The following AGTPBP1 variants were observed in gnomAD, a reference collection of about 807,000 sequenced individuals.
AGTPBP1 encodes ATP/GTP binding carboxypeptidase 1.
In AGTPBP1, 70 loss-of-function variants were observed where a neutral mutation model predicts 143.9. That is an observed-to-expected ratio of 0.49 (90% CI 0.40 to 0.59). The LOEUF is 0.59. AGTPBP1 is among the 20% of genes least tolerant of loss of function. AGTPBP1 has a pLI of 0.00. For missense variants in AGTPBP1, 1,229 were observed against 1,464.5 expected, an observed-to-expected ratio of 0.84 and a Z score of 2.62; for synonymous variants, 463 against 500.2, an observed-to-expected ratio of 0.93 and a Z score of 0.99.
At chr9:85,765,047 G>C in the AGTPBP1 span, 1,787 of 582,640 alleles carry the variant, frequency 3.1e-3, 23 homozygotes, top group African/African-American at 0.028. Flanking sequence ...GATTTTGTCA[G>C]ATGTAGTGAG....
At chr9:85,597,705 C>T (rs1030195854) in intron 17 of AGTPBP1, among the ~76,000 whole-genome samples, 8 of 152,110 alleles carry the variant, frequency 5.3e-5, no homozygotes, top group Non-Finnish European at 1.2e-4. Context: ...TTATACTTCA[C>T]AGTTTTAATT....
intron 2 of AGTPBP1, among the ~76,000 whole-genome samples, chr9:85,697,747 C>G (rs1449356858): frequency 6.6e-6 from 1 of 152,116 alleles, no homozygotes; most frequent in Non-Finnish European, 1.5e-5. Context: ...CCACTGCGCC[C>G]AGCCCTTAAT....
At chr9:85,739,708 CAAA>C (rs547952850) in intron 1 of AGTPBP1, among the ~76,000 whole-genome samples, 3 of 82,038 alleles carry the variant, frequency 3.7e-5, no homozygotes, top group Non-Finnish European at 5.0e-5. Flanking sequence ...AACTCCGTCT[CAAA>C]AAAAAAAAAA....
At chr9:85,621,413 C>A in intron 14 of AGTPBP1, 128 bp from the exon 15 acceptor site, 2 of 376,396 alleles carry the variant, frequency 5.3e-6, no homozygotes, top group African/African-American at 2.1e-5. Flanking sequence ...ATTCCTCTAT[C>A]TATATATTTT....
At chr9:85,650,982 A>C (rs967654572) in intron 11 of AGTPBP1, among the ~76,000 whole-genome samples, 1 of 152,106 alleles carries the variant, frequency 6.6e-6, no homozygotes, top group African/African-American at 2.4e-5. Context: ...CATATTTGCT[A>C]ATCTGTTTAC....
the AGTPBP1 span, among the ~76,000 whole-genome samples, chr9:85,753,750 C>T: frequency 1.5e-5 from 2 of 134,266 alleles, no homozygotes; most frequent in Non-Finnish European, 3.2e-5. Flanking sequence ...AAAACTCCCT[C>T]TCAATAAATA....
chr9:85,679,822 G>C (rs1005938218), intron 4 of AGTPBP1, among the ~76,000 whole-genome samples: 1 of 151,820 alleles, frequency 6.6e-6, no homozygotes, highest in Admixed American at 6.6e-5. Context: ...TAATATAGTT[G>C]AATCTATCAA....
intron 1 of AGTPBP1, among the ~76,000 whole-genome samples, chr9:85,719,031 C>G (rs1017478143): frequency 6.6e-6 from 1 of 151,960 alleles, no homozygotes; most frequent in East Asian, 1.9e-4. Flanking sequence ...GGTCTATATC[C>G]CTGTTTTGGT....
chr9:85,782,785 G>GCT, the AGTPBP1 span, among the ~76,000 whole-genome samples: 72 of 152,268 alleles, frequency 4.7e-4, no homozygotes, highest in African/African-American at 1.7e-3. Context: ...TACGAATCCT[G>GCT]CCAAAGAGAT....
intron 14 of AGTPBP1, among the ~76,000 whole-genome samples, chr9:85,623,798 A>G (rs1264484923): frequency 6.6e-6 from 1 of 151,870 alleles, no homozygotes; most frequent in African/African-American, 2.4e-5. Context: ...TTATTCAGAC[A>G]TGTATTTGTG....
intron 17 of AGTPBP1, 131 bp from the exon 18 acceptor site, chr9:85,596,580 T>C: frequency 1.7e-6 from 1 of 580,898 alleles, no homozygotes; most frequent in South Asian, 2.8e-5. Context: ...TTTTAGTATG[T>C]ATTTTAAAAA....
the AGTPBP1 span, among the ~76,000 whole-genome samples, chr9:85,795,316 T>C: frequency 4.6e-5 from 7 of 152,238 alleles, no homozygotes; most frequent in Non-Finnish European, 1.0e-4. Flanking sequence ...CAATGCTATA[T>C]ACTGTATTTT....
intron 8 of AGTPBP1, among the ~76,000 whole-genome samples, chr9:85,663,956 TGAC>T (rs1471750931): frequency 5.3e-5 from 8 of 152,296 alleles, no homozygotes; most frequent in African/African-American, 1.9e-4. Flanking sequence ...CATATAACTG[TGAC>T]TACTACTCAA....
At chr9:85,784,188 G>T in the AGTPBP1 span, among the ~76,000 whole-genome samples, 1 of 152,124 alleles carries the variant, frequency 6.6e-6, no homozygotes, top group Admixed American at 6.5e-5. Context: ...AGAGTCAAAA[G>T]ATCTGGGTTG....
In AGTPBP1 at chr9:85,682,041, C is replaced by A. The variant is rs536630495; in HGVS notation, c.158-706G>T. On this transcript the variant is annotated intron_variant, in intron 3 of 25. Coordinates refer to ENST00000357081, the MANE Select transcript of AGTPBP1 (RefSeq NM_001330701.2). ...GGGATTACAGGCATGAGCCACCATGCCCGACCTGTATTAATACTATTTTAA... is the reference window on the plus strand; with the variant it reads ...GGGATTACAGGCATGAGCCACCATGACCGACCTGTATTAATACTATTTTAA... 1.5e-4 allele frequency among the ~76,000 whole-genome samples: 22 copies of A among 151,690 alleles called. No homozygotes were observed. The South Asian group carries it at 4.4e-3, about 30-fold the overall frequency.
At chr9:85,598,853 G>A (rs1235820439) in intron 17 of AGTPBP1, among the ~76,000 whole-genome samples, 1 of 151,864 alleles carries the variant, frequency 6.6e-6, no homozygotes, top group East Asian at 1.9e-4. Context: ...CCGAGTAGCT[G>A]GGGACTACAG....
chr9:85,789,696 G>A, the AGTPBP1 span, among the ~76,000 whole-genome samples: 1 of 152,016 alleles, frequency 6.6e-6, no homozygotes, highest in Admixed American at 6.6e-5. Context: ...CCAAGGAGTC[G>A]GCAAAAATAT....
At chr9:85,643,759 G>A (rs62569171) in intron 12 of AGTPBP1, among the ~76,000 whole-genome samples, 2 of 152,112 alleles carry the variant, frequency 1.3e-5, no homozygotes, top group African/African-American at 4.8e-5. Flanking sequence ...CTTCAGAGAA[G>A]AGCTAATGAA....
intron 3 of AGTPBP1, among the ~76,000 whole-genome samples, chr9:85,681,991 A>C (rs889112762): frequency 6.6e-6 from 1 of 151,034 alleles, no homozygotes; most frequent in African/African-American, 2.4e-5. Flanking sequence ...CTCATGATCC[A>C]CCTGCCTTGG....
Sources: gnomAD v4.1 joint callset for allele counts (sites outside exome capture counted in the v4.1 genomes callset) on GRCh38, gnomAD v4.1.1 for gene constraint, MANE v1.5 for transcripts, NCBI Gene and HGNC (gene_info 2026-07-23, HGNC 2026-07-21) for gene names.